The following KMO variants were observed in gnomAD, a reference collection of about 807,000 sequenced individuals.
The protein encoded by KMO is kynurenine 3-hydroxylase.
KMO carries 24 observed loss-of-function variants against 57.8 expected under a neutral mutation model. That is an observed-to-expected ratio of 0.42 (90% CI 0.30 to 0.58). The LOEUF (loss-of-function observed/expected upper bound fraction) is 0.58. Among genes scored for constraint, KMO ranks in the 20% least tolerant of loss-of-function variants. The pLI is 0.22. For synonymous variants in KMO, 210 were observed against 193.6 expected (o/e 1.08, Z -0.70); for missense variants, 483 against 588.2 (o/e 0.82, Z 1.85).
Position 241,562,211 on chromosome 1 carries a change from G to A in KMO, c.494G>A (p.Gly165Glu). The change falls in exon 7 of 15, where the codon GGA (glycine) becomes GAA (glutamate). Residue 165 changes from glycine to glutamate, a missense_variant. This residue lies in a region of KMO where 410 missense variants were observed against 492.3 expected (regional missense o/e 0.83). Transcript: ENST00000366559. ...GATGTCACTTGTGACCTCATTGTAG[G>A]ATGTGATGGAGCCTATTCAACTGTC... Reference protein sequence around the residue: ...PKDVTCDLIVGCDGAYSTVRS... With the variant: ...PKDVTCDLIVECDGAYSTVRS... 6.2e-7 allele frequency: 1 copy of A among 1,614,136 alleles called. No homozygotes were observed. Among genetic ancestry groups the A allele is most frequent in the Non-Finnish European group, 8.5e-7 (1 of 1,180,006 alleles).
Position 241,532,411 on chromosome 1 carries a change from A to C in KMO, c.-34A>C, listed in dbSNP as rs372382509. 4 of 1,611,526 alleles carry C rather than the reference A, an allele frequency of 2.5e-6. No homozygotes were observed. Among genetic ancestry groups the C allele is most frequent in the Non-Finnish European group, 3.4e-6 (4 of 1,178,408 alleles). On this transcript the variant is annotated 5_prime_UTR_variant, in exon 1 of 15. Transcript: ENST00000366559. ...GAAATCAGTGTCACTCAGTGACAGA[A>C]GCAACAATAATTGTGAAAAATACTT...
At chr1:241,569,400 A>G (rs1662196264) in intron 10 of KMO, among the ~76,000 whole-genome samples, 1 of 152,090 alleles carries the variant, frequency 6.6e-6, no homozygotes, top group Non-Finnish European at 1.5e-5. Flanking sequence ...ATATGAGTAA[A>G]AAAGAATGTG....
At chr1:241,567,795 G>A (rs4660103) in intron 9 of KMO, among the ~76,000 whole-genome samples, 34,132 of 152,072 alleles carry the variant, frequency 0.22, 3,977 homozygotes, top group Non-Finnish European at 0.27. Context: ...CTGCACACCA[G>A]AATTAGACCT....
chr1:241,550,287 G>A, intron 3 of KMO, among the ~76,000 whole-genome samples: 1 of 152,136 alleles, frequency 6.6e-6, no homozygotes, highest in East Asian at 1.9e-4. Flanking sequence ...GGGTTTATGT[G>A]ATATCCAGCA....
At chr1:241,587,684 T>C (rs1281463381) in intron 11 of KMO, among the ~76,000 whole-genome samples, 1 of 151,968 alleles carries the variant, frequency 6.6e-6, no homozygotes, top group African/African-American at 2.4e-5. Context: ...CCTCAAGTGA[T>C]CCACCCACCT....
chr1:241,566,371 T>C, intron 8 of KMO, 120 bp from the exon 9 acceptor site: 2 of 1,128,488 alleles, frequency 1.8e-6, no homozygotes, highest in Non-Finnish European at 2.5e-6. Flanking sequence ...CCTGTCTGCT[T>C]GGACATTCCT....
intron 10 of KMO, among the ~76,000 whole-genome samples, chr1:241,585,587 A>G (rs953530441): frequency 6.6e-6 from 1 of 152,006 alleles, no homozygotes; most frequent in Admixed American, 6.6e-5. Context: ...GTGAAATGCC[A>G]TCTCTATAAA....
At chr1:241,581,292 T>C (rs994480283) in intron 10 of KMO, among the ~76,000 whole-genome samples, 3 of 152,128 alleles carry the variant, frequency 2.0e-5, no homozygotes, top group African/African-American at 7.2e-5. Context: ...CTGCTCTATG[T>C]ATTTTTATTA....
At chr1:241,548,326 A>G (rs1011029206) in intron 1 of KMO, among the ~76,000 whole-genome samples, 2 of 152,186 alleles carry the variant, frequency 1.3e-5, no homozygotes, top group Non-Finnish European at 2.9e-5. Flanking sequence ...AGAAATATGT[A>G]TACCTAAAGG....
Position 241,589,999 on chromosome 1 carries a change from G to A in KMO, c.1099-13G>A. On this transcript the variant is annotated splice_polypyrimidine_tract_variant and intron_variant, in intron 12 of 14. Coordinates refer to ENST00000366559, the MANE Select transcript of KMO (RefSeq NM_003679.5). ...TTGTTCAAAAGCGTTCTTTAAGACT[G>A]TCATTATTGCAGATGCGAGCACATG... 1 of 1,602,196 alleles carries A rather than the reference G, an allele frequency of 6.2e-7. No individual in the cohort carries two copies. Among genetic ancestry groups the A allele is most frequent in the Non-Finnish European group, 8.6e-7 (1 of 1,169,264 alleles).
chr1:241,548,294 G>A (rs1266896600), intron 1 of KMO, among the ~76,000 whole-genome samples: 5 of 152,076 alleles, frequency 3.3e-5, no homozygotes, highest in African/African-American at 7.2e-5. Flanking sequence ...TTTTTAATGG[G>A]TAAAATTAAA....
intron 4 of KMO, among the ~76,000 whole-genome samples, chr1:241,554,279 C>T (rs1441482870): frequency 8.0e-6 from 1 of 124,604 alleles, no homozygotes. Context: ...TCCTTCCTTC[C>T]TTCCTCCCTT....
chr1:241,556,166 T>C (rs1661615421), intron 5 of KMO, among the ~76,000 whole-genome samples: 1 of 152,196 alleles, frequency 6.6e-6, no homozygotes, highest in South Asian at 2.1e-4. Flanking sequence ...GACGAAGTCT[T>C]GCTGTCACCC....
At chr1:241,558,454 C>T (rs1661718621) in intron 5 of KMO, among the ~76,000 whole-genome samples, 1 of 152,198 alleles carries the variant, frequency 6.6e-6, no homozygotes, top group South Asian at 2.1e-4. Flanking sequence ...TTCTCCCTAA[C>T]TGCACAAACT....
intron 10 of KMO, among the ~76,000 whole-genome samples, chr1:241,580,290 C>T (rs1192846375): frequency 6.6e-6 from 1 of 152,176 alleles, no homozygotes; most frequent in Non-Finnish European, 1.5e-5. Flanking sequence ...CATATCTCTA[C>T]ACCACATTTT....
chr1:241,570,171 T>C (rs1662222853), intron 10 of KMO, among the ~76,000 whole-genome samples: 1 of 152,098 alleles, frequency 6.6e-6, no homozygotes. Context: ...TACTTTGTTC[T>C]GTGGGTTGTC....
chr1:241,547,577 C>T (rs1373129318), intron 1 of KMO, among the ~76,000 whole-genome samples: 1 of 148,190 alleles, frequency 6.7e-6, no homozygotes, highest in Non-Finnish European at 1.5e-5. Flanking sequence ...GAGCGAGACT[C>T]TGTCTCAAAA....
At chr1:241,568,940 T>A (rs186478540) in intron 10 of KMO, among the ~76,000 whole-genome samples, 31 of 152,288 alleles carry the variant, frequency 2.0e-4, no homozygotes, top group Non-Finnish European at 4.1e-4. Flanking sequence ...TGGATGCTCA[T>A]GTCCCTGTTG....
At chr1:241,557,828 A>G (rs1358311498) in intron 5 of KMO, among the ~76,000 whole-genome samples, 1 of 152,208 alleles carries the variant, frequency 6.6e-6, no homozygotes, top group Admixed American at 6.5e-5. Context: ...TCAAAACAAA[A>G]CAACAACAAG....
Sources: allele counts gnomAD v4.1 joint callset (sites outside exome capture counted in the v4.1 genomes callset), GRCh38; gene constraint gnomAD v4.1.1; regional missense constraint gnomAD v4.1.1; transcripts MANE v1.5; gene names NCBI Gene and HGNC (gene_info 2026-07-23, HGNC 2026-07-21).